Variants in SNTG1 observed in about 807,000 individuals in gnomAD.
The protein encoded by SNTG1 is gamma-1-syntrophin.
Under a neutral mutation model 74.7 loss-of-function variants are expected in SNTG1, and 39 were observed. The observed-to-expected ratio is 0.52, with a 90% CI of 0.40 to 0.68. The LOEUF (loss-of-function observed/expected upper bound fraction) is 0.68. Among genes scored for constraint, SNTG1 ranks in the 30% least tolerant of loss-of-function variants. The pLI is 0.00. For synonymous variants in SNTG1, 254 were observed against 217.1 expected, an observed-to-expected ratio of 1.17 and a Z score of -1.49; for missense variants, 685 against 609.5, an observed-to-expected ratio of 1.12 and a Z score of -1.30.
intron 8 of SNTG1, among the ~76,000 whole-genome samples, chr8:50,476,698 C>T (rs1406381940): frequency 2.0e-5 from 3 of 152,142 alleles, no homozygotes; most frequent in Non-Finnish European, 2.9e-5. Context: ...ATTTTTCTTG[C>T]TGTCCCAGCT....
intron 2 of SNTG1, among the ~76,000 whole-genome samples, chr8:50,244,980 T>C (rs16914561): frequency 0.016 from 2,402 of 152,318 alleles, 59 homozygotes; most frequent in African/African-American, 0.052. Context: ...TTAATATAAG[T>C]AAATGCCATT....
intron 4 of SNTG1, among the ~76,000 whole-genome samples, chr8:50,403,755 A>G (rs2131360800): frequency 6.6e-6 from 1 of 152,348 alleles, no homozygotes; most frequent in Non-Finnish European, 1.5e-5. Context: ...GCATTTGACA[A>G]AATTCAACAC....
chr8:50,282,177 G>A (rs2088498687), intron 2 of SNTG1, among the ~76,000 whole-genome samples: 1 of 152,000 alleles, frequency 6.6e-6, no homozygotes, highest in Admixed American at 6.6e-5. Context: ...AGAAATGTCA[G>A]CCCCAAGATA....
chr8:50,533,334 G>T (rs995459363), intron 10 of SNTG1, among the ~76,000 whole-genome samples: 18 of 152,134 alleles, frequency 1.2e-4, no homozygotes, highest in Admixed American at 1.2e-3. Flanking sequence ...TTTGCCCTTT[G>T]TGCAGTTCTG....
rs530385723 is a variant in SNTG1 at position 50,709,866 on chromosome 8, T to G, written c.1284+888T>G. Among the ~76,000 whole-genome samples the G allele has an allele frequency of 5.9e-5, 9 of 152,308 alleles. No homozygotes were observed. In the South Asian group the frequency reaches 1.4e-3, roughly 25 times the overall value. On this transcript the variant is annotated intron_variant, in intron 17 of 18. Transcript: ENST00000642720. ...TATAAATTGATTTGTTCCTTCTCAC[T>G]AATTTTAAGGATTCATGAGTAATCC...
chr8:50,754,951 T>C (rs1366394301), intron 18 of SNTG1, among the ~76,000 whole-genome samples: 1 of 151,748 alleles, frequency 6.6e-6, no homozygotes, highest in Non-Finnish European at 1.5e-5. Context: ...TAGACTTTAG[T>C]TTTTCAGAGC....
At chr8:50,301,407 ACTT>A (rs956953076) in intron 2 of SNTG1, among the ~76,000 whole-genome samples, 52 of 152,244 alleles carry the variant, frequency 3.4e-4, no homozygotes, top group African/African-American at 1.1e-3. Context: ...CAGAATTTCA[ACTT>A]CTTTTTTATA....
At chr8:50,206,682 A>G (rs1304529481) in intron 2 of SNTG1, among the ~76,000 whole-genome samples, 1 of 152,174 alleles carries the variant, frequency 6.6e-6, no homozygotes. Flanking sequence ...TTGCCCATTC[A>G]GTATGATATT....
In SNTG1 at chr8:50,387,440, T is replaced by TG. The variant is rs575220970; in HGVS notation, c.-27-6772_-27-6771insG. On this transcript the variant is annotated intron_variant, in intron 2 of 18. Transcript: ENST00000642720. ...AGTACTCTTAAGTCATCTGTTAACTTCCTCTGCAGTGTACCAAGGCGATCC... is the reference window on the plus strand; with the variant it reads ...AGTACTCTTAAGTCATCTGTTAACTTGCCTCTGCAGTGTACCAAGGCGATCC... 2.7e-3 allele frequency among the ~76,000 whole-genome samples: 408 copies of TG among 152,268 alleles called. 2 individuals are homozygous for TG. Among genetic ancestry groups the TG allele is most frequent in the African/African-American group, 9.3e-3 (386 of 41,554 alleles).
At chr8:50,438,487 G>C in intron 4 of SNTG1, 56 bp from the exon 5 acceptor site, 1 of 1,472,400 alleles carries the variant, frequency 6.8e-7, no homozygotes, top group Non-Finnish European at 9.4e-7. Context: ...ACAAAAAATG[G>C]TGTGTAAGTA....
intron 18 of SNTG1, among the ~76,000 whole-genome samples, chr8:50,764,488 A>G (rs1002906058): frequency 1.3e-5 from 2 of 152,002 alleles, no homozygotes; most frequent in Non-Finnish European, 2.9e-5. Flanking sequence ...AAAAGAAGAC[A>G]TAATAATGGC....
At chr8:49,954,938 G>T (rs1285368336) in intron 1 of SNTG1, among the ~76,000 whole-genome samples, 1 of 152,154 alleles carries the variant, frequency 6.6e-6, no homozygotes, top group African/African-American at 2.4e-5. Flanking sequence ...TAAGCAGAAT[G>T]TTTAACTGGC....
chr8:50,453,034 A>G (rs2131635262), intron 8 of SNTG1, among the ~76,000 whole-genome samples: 1 of 152,318 alleles, frequency 6.6e-6, no homozygotes, highest in Non-Finnish European at 1.5e-5. Flanking sequence ...TTGGGCAGGT[A>G]TGGAAGCATG....
intron 2 of SNTG1, among the ~76,000 whole-genome samples, chr8:50,347,667 G>C (rs968187894): frequency 2.0e-5 from 3 of 152,160 alleles, no homozygotes; most frequent in Non-Finnish European, 2.9e-5. Flanking sequence ...CACCATTCTA[G>C]ATGCCATTAA....
At chr8:50,473,719 G>A (rs573472548) in intron 8 of SNTG1, among the ~76,000 whole-genome samples, 1 of 152,180 alleles carries the variant, frequency 6.6e-6, no homozygotes, top group South Asian at 2.1e-4. Context: ...ACTTGCAATG[G>A]AATATTATTC....
chr8:50,688,910 G>T (rs1156441039), intron 15 of SNTG1, among the ~76,000 whole-genome samples: 1 of 152,000 alleles, frequency 6.6e-6, no homozygotes, highest in African/African-American at 2.4e-5. Context: ...TCTCCCATTT[G>T]TTTGTATCCT....
intron 1 of SNTG1, among the ~76,000 whole-genome samples, chr8:50,004,876 A>G (rs1046938029): frequency 2.0e-5 from 3 of 152,200 alleles, no homozygotes; most frequent in Non-Finnish European, 4.4e-5. Flanking sequence ...CCAAAAGCAC[A>G]CAAACCAAAG....
chr8:50,796,495 T>A lies in SNTG1; in HGVS notation c.*3666T>A, dbSNP rs747713990. ...ATATTTTATACATGTTAAAATGCAG[T>A]GAAAAGACAAGAAATATAAAATGTA... On this transcript the variant is annotated 3_prime_UTR_variant, in exon 19 of 19. Transcript: ENST00000642720. 7 of 151,894 alleles carry A rather than the reference T, an allele frequency of 4.6e-5. No homozygotes were observed. Among genetic ancestry groups the A allele is most frequent in the Non-Finnish European group, 1.0e-4 (7 of 67,898 alleles). 9.4% of individuals were successfully genotyped at this position (151,894 alleles called of 1,614,324 possible).
At chr8:50,514,582 C>G (rs374574599) in intron 9 of SNTG1, among the ~76,000 whole-genome samples, 1 of 152,022 alleles carries the variant, frequency 6.6e-6, no homozygotes, top group Non-Finnish European at 1.5e-5. Flanking sequence ...TCCATTGTAT[C>G]AGAAAAGATA....
Sources: gnomAD v4.1 joint callset for allele counts (sites outside exome capture counted in the v4.1 genomes callset) on GRCh38, gnomAD v4.1.1 for gene constraint, MANE v1.5 for transcripts, NCBI Gene and HGNC (gene_info 2026-07-23, HGNC 2026-07-21) for gene names.